The following SH3BGRL2 variants were observed in gnomAD, a reference collection of about 807,000 sequenced individuals.
The protein encoded by SH3BGRL2 is SH3 domain-binding glutamic acid-rich-like protein 2.
In SH3BGRL2, 21 loss-of-function variants were observed where a neutral mutation model predicts 14.8. The observed-to-expected ratio is 1.42, with a 90% CI of 1.01 to 2.05. The LOEUF is 2.05. SH3BGRL2 is among the 30% of genes most tolerant of loss of function. The pLI is 0.00. For missense variants in SH3BGRL2, 147 were observed against 130.8 expected (o/e 1.12, Z -0.61); for synonymous variants, 50 against 47.8 (o/e 1.05, Z -0.19).
the SH3BGRL2 span, among the ~76,000 whole-genome samples, chr6:79,592,848 T>TA: frequency 6.6e-6 from 1 of 152,174 alleles, no homozygotes; most frequent in African/African-American, 2.4e-5. Context: ...TTCCAAGAGT[T>TA]ACGTGAATTT....
the SH3BGRL2 span, chr6:79,575,015 C>T: frequency 6.6e-6 from 1 of 152,164 alleles, no homozygotes; most frequent in South Asian, 2.1e-4. Flanking sequence ...GCTGACAGTC[C>T]TTACAGATTT....
chr6:79,699,097 G>A (rs912835823), intron 3 of SH3BGRL2, among the ~76,000 whole-genome samples: 2 of 151,818 alleles, frequency 1.3e-5, no homozygotes, highest in African/African-American at 4.8e-5. Context: ...TTGGGGGACT[G>A]GGGCAGCGAC....
Position 79,700,406 on chromosome 6 carries a change from T to G in SH3BGRL2, c.*897T>G, listed in dbSNP as rs1025698881. ...CCTAACAGACAGCTGCTGCTTCTAT[T>G]TTGTGAAGGGACTATATTTTTTGAG... On this transcript the variant is annotated 3_prime_UTR_variant, in exon 4 of 4. Transcript: ENST00000369838. 1 of 152,146 alleles carries G rather than the reference T, an allele frequency of 6.6e-6. No homozygotes were observed. The highest frequency in any genetic ancestry group is 6.5e-5 in the Admixed American group (1 of 15,278). The allele number at this position is 152,146 out of a possible 1,614,324, so 9.4% of individuals were successfully genotyped here.
chr6:79,680,367 G>A lies in SH3BGRL2; in HGVS notation c.231+6568G>A, dbSNP rs147091054. 4.0e-3 allele frequency among the ~76,000 whole-genome samples: 610 copies of A among 152,184 alleles called. 9 individuals carry two copies. Among genetic ancestry groups the A allele is most frequent in the African/African-American group, 0.013 (559 of 41,528 alleles). The stretch of plus-strand genomic sequence containing the variant: ...TTTTCTCAATGAGTGGTCTTGGTAT[G>A]CTTGTCTGTTTATTTGACCATACAC... On this transcript the variant is annotated intron_variant, in intron 2 of 3. Transcript: ENST00000369838.
the SH3BGRL2 span, among the ~76,000 whole-genome samples, chr6:79,611,303 T>C: frequency 6.6e-6 from 1 of 152,256 alleles, no homozygotes; most frequent in South Asian, 2.1e-4. Context: ...ACCCAAAAAA[T>C]GATAATTGTT....
the SH3BGRL2 span, among the ~76,000 whole-genome samples, chr6:79,599,681 A>G: frequency 2.4e-4 from 37 of 152,302 alleles, no homozygotes; most frequent in Non-Finnish European, 5.9e-5. Context: ...CAGCTGTGGA[A>G]CGGATTCAAT....
chr6:79,656,739 G>T (rs1769426579), intron 1 of SH3BGRL2, among the ~76,000 whole-genome samples: 1 of 152,196 alleles, frequency 6.6e-6, no homozygotes, highest in Non-Finnish European at 1.5e-5. Flanking sequence ...GAGGATATGT[G>T]TAGGCTATAT....
chr6:79,549,476 A>G, the SH3BGRL2 span, among the ~76,000 whole-genome samples: 1 of 152,194 alleles, frequency 6.6e-6, no homozygotes, highest in Non-Finnish European at 1.5e-5. Flanking sequence ...CTTTTATACC[A>G]TATTTTTACT....
At chr6:79,660,077 G>A (rs770394248) in intron 1 of SH3BGRL2, among the ~76,000 whole-genome samples, 29 of 152,108 alleles carry the variant, frequency 1.9e-4, no homozygotes, top group Admixed American at 3.9e-4. Flanking sequence ...CAATCATGCC[G>A]TCTGCAAACA....
At chr6:79,556,801 T>C in the SH3BGRL2 span, among the ~76,000 whole-genome samples, 2 of 151,994 alleles carry the variant, frequency 1.3e-5, no homozygotes, top group Admixed American at 1.3e-4. Context: ...TAATAACGTT[T>C]GTAAAATTTA....
intron 1 of SH3BGRL2, among the ~76,000 whole-genome samples, chr6:79,635,164 C>G (rs1309073294): frequency 6.6e-6 from 1 of 152,178 alleles, no homozygotes; most frequent in Non-Finnish European, 1.5e-5. Context: ...GAATCTTTAC[C>G]TTCCTACTTG....
the SH3BGRL2 span, among the ~76,000 whole-genome samples, chr6:79,589,898 A>G: frequency 6.6e-6 from 1 of 151,986 alleles, no homozygotes; most frequent in African/African-American, 2.4e-5. Flanking sequence ...CAACCTTCCA[A>G]GTGGCCGTGA....
At chr6:79,542,517 C>T in the SH3BGRL2 span, among the ~76,000 whole-genome samples, 1 of 152,194 alleles carries the variant, frequency 6.6e-6, no homozygotes, top group Admixed American at 6.5e-5. Context: ...GATCCACCCG[C>T]CTTGGCCTCC....
At chr6:79,678,075 C>G (rs975447366) in intron 2 of SH3BGRL2, among the ~76,000 whole-genome samples, 1 of 152,164 alleles carries the variant, frequency 6.6e-6, no homozygotes, top group African/African-American at 2.4e-5. Flanking sequence ...TTCTCTCTCT[C>G]TCTATTCAGC....
chr6:79,668,357 T>C (rs1769702963), intron 1 of SH3BGRL2, among the ~76,000 whole-genome samples: 2 of 152,140 alleles, frequency 1.3e-5, no homozygotes, highest in South Asian at 4.1e-4. Context: ...CAGTGAAGGT[T>C]CCAAGTGTCT....
chr6:79,566,658 G>A, the SH3BGRL2 span, among the ~76,000 whole-genome samples: 1 of 151,818 alleles, frequency 6.6e-6, no homozygotes, highest in Non-Finnish European at 1.5e-5. Context: ...TCTAGAACAG[G>A]GCCGGGTACA....
At chr6:79,552,984 T>G in the SH3BGRL2 span, 1 of 152,198 alleles carries the variant, frequency 6.6e-6, no homozygotes, top group Non-Finnish European at 1.5e-5. Flanking sequence ...AACCAACTCC[T>G]TCATTGCTTT....
At chr6:79,631,890 G>A (rs1768833520) in intron 1 of SH3BGRL2, among the ~76,000 whole-genome samples, 2 of 152,300 alleles carry the variant, frequency 1.3e-5, no homozygotes, top group South Asian at 4.1e-4. Flanking sequence ...GTTATGTTTT[G>A]CACGGGAGCC....
chr6:79,680,836 AT>A (rs778832419), intron 2 of SH3BGRL2, among the ~76,000 whole-genome samples: 4 of 152,104 alleles, frequency 2.6e-5, no homozygotes, highest in Non-Finnish European at 5.9e-5. Flanking sequence ...TGTAAATAAA[AT>A]TGTTTTCTTA....
Sources: allele counts gnomAD v4.1 joint callset (sites outside exome capture counted in the v4.1 genomes callset), GRCh38; gene constraint gnomAD v4.1.1; transcripts MANE v1.5; gene names NCBI Gene and HGNC (gene_info 2026-07-23, HGNC 2026-07-21).